PTK2B: variants seen among roughly 807,000 people sequenced by gnomAD.
PTK2B encodes the protein protein tyrosine kinase 2 beta, also known as protein-tyrosine kinase 2-beta.
Under a neutral mutation model 142.9 loss-of-function variants are expected in PTK2B, and 71 were observed. The observed-to-expected ratio is 0.50, with a 90% CI of 0.41 to 0.61. The LOEUF (loss-of-function observed/expected upper bound fraction) is 0.61, where lower values mean the gene tolerates loss of function less well. Among genes scored for constraint, PTK2B ranks in the 20% least tolerant of loss-of-function variants. The pLI is 0.00. For missense variants in PTK2B, 1,105 were observed against 1,320.4 expected (o/e 0.84, Z 2.53); for synonymous variants, 519 against 503.4 (o/e 1.03, Z -0.42).
rs1209118597 is a variant in PTK2B, at chr8:27,457,200, G to A, written c.2815-1094G>A. Among the ~76,000 whole-genome samples, 3 of 152,212 alleles carry A rather than the reference G, an allele frequency of 2.0e-5. No homozygotes were observed. The East Asian group carries it at 5.8e-4, about 29-fold the overall frequency. ...CAATGCCTGTCTTCAAAGCTTCAAA[G>A]GACAGGCTGACTCTCTTGTTAGGGG... On this transcript the variant is annotated intron_variant, in intron 30 of 30. Transcript: ENST00000346049.
intron 1 of PTK2B, among the ~76,000 whole-genome samples, chr8:27,378,620 T>C (rs1016387091): frequency 1.1e-4 from 15 of 136,046 alleles, no homozygotes; most frequent in South Asian, 4.3e-4. Context: ...TGTGTGTGTG[T>C]GTGTGTGTGT....
At chr8:27,443,127 G>C in intron 22 of PTK2B, 144 bp downstream of exon 22, 1 of 615,708 alleles carries the variant, frequency 1.6e-6, no homozygotes, top group Non-Finnish European at 2.9e-6. Flanking sequence ...ATCACTGTCA[G>C]CGTGTCACAT....
At chr8:27,395,715 G>A (rs1563249681) in intron 1 of PTK2B, among the ~76,000 whole-genome samples, 1 of 152,216 alleles carries the variant, frequency 6.6e-6, no homozygotes, top group East Asian at 1.9e-4. Context: ...TTCTTTCCTG[G>A]CTCCTAGAGT....
chr8:27,392,197 T>C (rs1336239434), intron 1 of PTK2B, among the ~76,000 whole-genome samples: 1 of 152,130 alleles, frequency 6.6e-6, no homozygotes, highest in Non-Finnish European at 1.5e-5. Flanking sequence ...AGTCAGCAGA[T>C]TGTTCTCATC....
chr8:27,407,458 A>G (rs1808790933), intron 2 of PTK2B, among the ~76,000 whole-genome samples: 1 of 152,108 alleles, frequency 6.6e-6, no homozygotes, highest in Non-Finnish European at 1.5e-5. Flanking sequence ...TCATGACCTG[A>G]TCATCCTATG....
chr8:27,382,696 C>G (rs1807102341), intron 1 of PTK2B, among the ~76,000 whole-genome samples: 1 of 152,140 alleles, frequency 6.6e-6, no homozygotes, highest in Non-Finnish European at 1.5e-5. Context: ...TTTTGAATCT[C>G]ACATTTTAGT....
intron 2 of PTK2B, among the ~76,000 whole-genome samples, chr8:27,312,551 T>C (rs1803000733): frequency 1.3e-5 from 2 of 152,188 alleles, no homozygotes; most frequent in Admixed American, 6.5e-5. Flanking sequence ...AGGAGTTTCA[T>C]CTTTTAGCAG....
At position 27,459,198 on chromosome 8, in the gene PTK2B, G is replaced by T. The variant is rs371764700; in HGVS notation, c.*689G>T. ...CAAGATAGGACCTTGGGCCAAATCC[G>T]CTCTCTTCCTGCCCCTCTTTCTCTT... On this transcript the variant is annotated 3_prime_UTR_variant, in exon 31 of 31. Transcript: ENST00000346049. 2 of 234,408 alleles carry T rather than the reference G, an allele frequency of 8.5e-6. No individual in the cohort carries two copies. Among genetic ancestry groups the T allele is most frequent in the African/African-American group, 2.2e-5 (1 of 45,320 alleles). 14.5% of individuals were successfully genotyped at this position (234,408 alleles called of 1,614,324 possible). A position where few individuals can be genotyped will look rare whatever the true frequency, so the allele number is the denominator to read the frequency against.
At chr8:27,443,886 C>T (rs1263998105) in intron 22 of PTK2B, among the ~76,000 whole-genome samples, 1 of 152,210 alleles carries the variant, frequency 6.6e-6, no homozygotes, top group Non-Finnish European at 1.5e-5. Context: ...GAGCTCCTAC[C>T]TCTGCATGCC....
chr8:27,353,730 G>T (rs1385929105), intron 1 of PTK2B, among the ~76,000 whole-genome samples: 3 of 152,180 alleles, frequency 2.0e-5, no homozygotes, highest in Non-Finnish European at 4.4e-5. Context: ...AAGGTTAATA[G>T]CCTGGAGTGC....
intron 1 of PTK2B, among the ~76,000 whole-genome samples, chr8:27,381,781 T>G (rs536884109): frequency 1.3e-5 from 2 of 152,208 alleles, no homozygotes; most frequent in Admixed American, 6.5e-5. Flanking sequence ...ACCAATAGCG[T>G]TTAGGAGTTC....
At position 27,363,557 on chromosome 8, in the gene PTK2B, T is replaced by C. The variant is rs558600587; in HGVS notation, c.-37-33991T>C. Among the ~76,000 whole-genome samples, 2 of 152,238 alleles carry C rather than the reference T, an allele frequency of 1.3e-5. No homozygotes were observed. Among genetic ancestry groups the C allele is most frequent in the East Asian group, 3.9e-4 (2 of 5,166 alleles). The stretch of plus-strand genomic sequence containing the variant: ...GAGGGAGTGCCCGCATGGTCTGGGA[T>C]GCAGGGAATGGACTCTGACTGCTCT... On this transcript the variant is annotated intron_variant, in intron 1 of 30. Transcript: ENST00000346049. This position sits in a 1 kb window ranked among gnomAD's most constrained non-coding sequence, Gnocchi z 4.3.
intron 2 of PTK2B, among the ~76,000 whole-genome samples, chr8:27,404,501 C>T (rs1047115516): frequency 5.3e-5 from 8 of 152,178 alleles, no homozygotes; most frequent in Non-Finnish European, 8.8e-5. Context: ...TGTGCCCTCC[C>T]CACCCAGTCT....
intron 2 of PTK2B, among the ~76,000 whole-genome samples, chr8:27,416,245 C>T (rs769200245): frequency 1.4e-4 from 21 of 152,256 alleles, no homozygotes; most frequent in African/African-American, 2.2e-4. Context: ...TGGGGAACAG[C>T]GGAAGACTTA....
chr8:27,405,071 A>G (rs1023284876), intron 2 of PTK2B, among the ~76,000 whole-genome samples: 1 of 62,732 alleles, frequency 1.6e-5, no homozygotes, highest in African/African-American at 7.3e-5. Context: ...TCTCTCTCTT[A>G]GCCATGTGAG....
intron 1 of PTK2B, among the ~76,000 whole-genome samples, chr8:27,344,197 C>A (rs1181360455): frequency 6.6e-6 from 1 of 152,066 alleles, no homozygotes; most frequent in African/African-American, 2.4e-5. Flanking sequence ...CCAAGACCTC[C>A]CCTCCCCAGC....
intron 7 of PTK2B, 54 bp downstream of exon 7, chr8:27,430,472 G>A (rs1161564027): frequency 6.2e-7 from 1 of 1,602,234 alleles, no homozygotes; most frequent in Middle Eastern, 1.7e-4. Context: ...AGACTAGAGT[G>A]TAAGGGATGA....
At chr8:27,403,525 G>A (rs1808503702) in intron 2 of PTK2B, among the ~76,000 whole-genome samples, 1 of 152,146 alleles carries the variant, frequency 6.6e-6, no homozygotes, top group Non-Finnish European at 1.5e-5. Context: ...ATGAGAAATT[G>A]ATTTTGCTCT....
At chr8:27,352,742 T>C (rs1805170990) in intron 1 of PTK2B, among the ~76,000 whole-genome samples, 1 of 152,352 alleles carries the variant, frequency 6.6e-6, no homozygotes, top group African/African-American at 2.4e-5. Flanking sequence ...GAAGTCTCCC[T>C]GCACAAGCTC....
Sources: allele counts gnomAD v4.1 joint callset (sites outside exome capture counted in the v4.1 genomes callset), GRCh38; gene constraint gnomAD v4.1.1; non-coding constraint Gnocchi (gnomAD v3.1); transcripts MANE v1.5; gene names NCBI Gene and HGNC (gene_info 2026-07-23, HGNC 2026-07-21).